Variants in PSMC2 observed in about 807,000 individuals in gnomAD.
PSMC2 encodes 26S proteasome regulatory subunit 7.
PSMC2 carries 7 observed loss-of-function variants against 53.3 expected under a neutral mutation model. The observed-to-expected ratio is 0.13, with a 90% confidence interval of 0.07 to 0.25. PSMC2 has a LOEUF of 0.25. Among genes scored for constraint, PSMC2 ranks in the 10% least tolerant of loss-of-function variants. The pLI is 1.00. For missense variants in PSMC2, 241 were observed against 544.0 expected (o/e 0.44, Z 5.54); for synonymous variants, 169 against 183.9 (o/e 0.92, Z 0.66).
chr7:103,349,108 T>A (rs535028301), intron 1 of PSMC2, among the ~76,000 whole-genome samples: 2 of 152,338 alleles, frequency 1.3e-5, no homozygotes, highest in South Asian at 4.1e-4. Flanking sequence ...TTTTAAATGT[T>A]CTTTTGGTAT....
At chr7:103,363,089 C>T (rs1033449124) in intron 6 of PSMC2, among the ~76,000 whole-genome samples, 8 of 152,092 alleles carry the variant, frequency 5.3e-5, no homozygotes, top group African/African-American at 9.7e-5. Context: ...CCACTGAGCC[C>T]GGCAGTATTT....
chr7:103,365,412 A>G (rs1335315623), intron 8 of PSMC2, among the ~76,000 whole-genome samples: 3 of 152,094 alleles, frequency 2.0e-5, no homozygotes, highest in Non-Finnish European at 4.4e-5. Context: ...CAGGCGGATC[A>G]CCTAAGGTCA....
At position 103,364,110 on chromosome 7, in the gene PSMC2, G is replaced by T. The variant is rs199732205; in HGVS notation, c.592-33G>T. ...GTAGTCTGATTTTTGTTATACAGAA[G>T]TGGTAAGTGTGAAAATTGTGTCTCT... On this transcript the variant is annotated intron_variant, in intron 7 of 11. Transcript: ENST00000292644. 155 of 1,602,278 alleles carry T rather than the reference G, an allele frequency of 9.7e-5. 4 individuals carry two copies. The South Asian group carries it at 1.6e-3, about 16-fold the overall frequency.
chr7:103,352,215 TAAAAAAAAA>T (rs769618353), intron 1 of PSMC2, among the ~76,000 whole-genome samples: 11 of 40,618 alleles, frequency 2.7e-4, no homozygotes, highest in South Asian at 1.8e-3. Flanking sequence ...CATACTTAGT[TAAAAAAAAA>T]AAAAAAAAAA....
intron 5 of PSMC2, chr7:103,362,299 A>G (rs1469767789): frequency 7.2e-7 from 1 of 1,390,292 alleles, no homozygotes. Flanking sequence ...ACTGTTGTTT[A>G]TTATGAATGG....
At chr7:103,360,117 C>T (rs1216010310) in intron 4 of PSMC2, among the ~76,000 whole-genome samples, 1 of 151,818 alleles carries the variant, frequency 6.6e-6, no homozygotes, top group African/African-American at 2.4e-5. Flanking sequence ...ACACCAACAT[C>T]TAGGCTTCTT....
chr7:103,347,589 T>C, upstream of PSMC2: 1 of 1,111,478 alleles, frequency 9.0e-7, no homozygotes, highest in Non-Finnish European at 1.4e-6. Context: ...TCTGAAGCAC[T>C]GCATAAAGGG....
At chr7:103,356,104 G>A (rs909430129) in intron 4 of PSMC2, among the ~76,000 whole-genome samples, 3 of 150,802 alleles carry the variant, frequency 2.0e-5, no homozygotes, top group African/African-American at 4.9e-5. Flanking sequence ...TTTGGCCCTC[G>A]TAATCCTCTG....
chr7:103,364,319 T>C lies in PSMC2; in HGVS notation c.756+12T>C. Reference sequence around the variant, plus strand: ...AATACGTCGGTGAGGTAAAGTAAATTTATCAAAGAATATATAGCCTTGTGA... The same window carrying C: ...AATACGTCGGTGAGGTAAAGTAAATCTATCAAAGAATATATAGCCTTGTGA... On this transcript the variant is annotated intron_variant, in intron 8 of 11. Coordinates refer to ENST00000292644, the MANE Select transcript of PSMC2 (RefSeq NM_002803.4). 6.2e-7 allele frequency: 1 copy of C among 1,613,526 alleles called. No homozygotes were observed. Among genetic ancestry groups the C allele is most frequent in the Non-Finnish European group, 8.5e-7 (1 of 1,179,698 alleles).
chr7:103,353,128 A>C (rs1819819884), intron 1 of PSMC2, among the ~76,000 whole-genome samples: 1 of 152,112 alleles, frequency 6.6e-6, no homozygotes, highest in Admixed American at 6.5e-5. Context: ...CCAGATAACC[A>C]CCGTAGAACA....
At position 103,367,068 on chromosome 7, in the gene PSMC2, G is replaced by C. The variant is rs1383324896; in HGVS notation, c.845-345G>C. Among the ~76,000 whole-genome samples the C allele has an allele frequency of 2.0e-5, 3 of 152,132 alleles. No individual in the cohort carries two copies. The highest frequency in any genetic ancestry group is 4.4e-5 in the Non-Finnish European group (3 of 68,020). The stretch of plus-strand genomic sequence containing the variant: ...TATTTTAACTAATCTCTGAGCCTCA[G>C]TTTGCTCATCTTATAAAGGGAATAA... On this transcript the variant is annotated intron_variant, in intron 9 of 11. Coordinates refer to ENST00000292644, the MANE Select transcript of PSMC2 (RefSeq NM_002803.4). The surrounding 1 kb of genome is among the most constrained non-coding windows in gnomAD (Gnocchi z 6.1).
intron 4 of PSMC2, among the ~76,000 whole-genome samples, chr7:103,358,503 T>G (rs1344625467): frequency 6.6e-6 from 1 of 152,142 alleles, no homozygotes; most frequent in Non-Finnish European, 1.5e-5. Context: ...CTGTTTTTCT[T>G]CTTTTTGCCT....
chr7:103,356,694 T>A (rs984928783), intron 4 of PSMC2, among the ~76,000 whole-genome samples: 1 of 152,256 alleles, frequency 6.6e-6, no homozygotes, highest in Non-Finnish European at 1.5e-5. Context: ...TTGTCTTTTC[T>A]TAAGTATGCT....
At chr7:103,360,784 A>C (rs1414371061) in intron 4 of PSMC2, among the ~76,000 whole-genome samples, 2 of 152,196 alleles carry the variant, frequency 1.3e-5, no homozygotes, top group African/African-American at 2.4e-5. Context: ...CATTTTTACC[A>C]GGCCATATGG....
At chr7:103,352,777 A>T in intron 1 of PSMC2, 1 of 771,150 alleles carries the variant, frequency 1.3e-6, no homozygotes, top group South Asian at 1.4e-5. Context: ...CAAAGTTCAG[A>T]AGTGTTAAGT....
At position 103,363,703 on chromosome 7, in the gene PSMC2, T is replaced by G. The variant is rs575277500; in HGVS notation, c.591+264T>G. Among the ~76,000 whole-genome samples the G allele has an allele frequency of 5.9e-5, 9 of 152,296 alleles. No homozygotes were observed. In the South Asian group the frequency reaches 1.4e-3, roughly 25 times the overall value. On this transcript the variant is annotated intron_variant, in intron 7 of 11. Transcript: ENST00000292644. ...GCACAGTGTAACCTTTAGCAATATG[T>G]TAAATATGTTACAGGCTATTATAGA... is the stretch of plus-strand genomic sequence containing the variant.
At chr7:103,351,711 A>G (rs1363546704) in intron 1 of PSMC2, among the ~76,000 whole-genome samples, 1 of 152,200 alleles carries the variant, frequency 6.6e-6, no homozygotes, top group Non-Finnish European at 1.5e-5. Context: ...TTCTGTGCAG[A>G]TAACAGTACC....
In PSMC2 at chr7:103,353,924, T is replaced by C; in HGVS notation, c.74T>C (p.Leu25Pro). ...DEKDDKPIRA[L>P]DEGDIALLKT... Reference sequence around the variant, plus strand: ...CGTATTGTCTCTCTTCTTTCAGCTCTGGATGAGGGGGATATTGCCTTGTTG... The same window carrying C: ...CGTATTGTCTCTCTTCTTTCAGCTCCGGATGAGGGGGATATTGCCTTGTTG... The change falls in exon 2 of 12, where the codon CTG (leucine) becomes CCG (proline). Residue 25 changes from leucine to proline, a missense_variant. Around this residue, in one of 6 missense-constraint regions of PSMC2, gnomAD observed 70 missense variants for 57.9 expected, o/e 1.21. Transcript: ENST00000292644. 2.5e-6 allele frequency: 4 copies of C among 1,604,078 alleles called. No homozygotes were observed. The highest frequency in any genetic ancestry group is 3.4e-6 in the Non-Finnish European group (4 of 1,173,754).
intron 1 of PSMC2, among the ~76,000 whole-genome samples, chr7:103,351,569 G>T (rs535635028): frequency 2.6e-5 from 4 of 152,310 alleles, no homozygotes; most frequent in Admixed American, 2.0e-4. Flanking sequence ...CCTGTAGTTT[G>T]TATAAACATT....
Sources: gnomAD v4.1 joint callset for allele counts (sites outside exome capture counted in the v4.1 genomes callset) on GRCh38, gnomAD v4.1.1 for gene constraint, gnomAD v4.1.1 regional missense constraint, Gnocchi (gnomAD v3.1) non-coding constraint, MANE v1.5 for transcripts, NCBI Gene and HGNC (gene_info 2026-07-23, HGNC 2026-07-21) for gene names.